Variants in CEP128 observed in about 807,000 individuals in gnomAD.
CEP128 encodes centrosomal protein 128, also known as centrosomal protein 128kDa.
A neutral mutation model predicts 156.7 loss-of-function variants in CEP128; 132 were observed. The ratio of observed to expected loss-of-function variants is 0.84; its 90% CI spans 0.73 to 0.97. CEP128 has a LOEUF of 0.97. Among genes scored for constraint, CEP128 ranks in the 50% least tolerant of loss-of-function variants. CEP128 has a pLI of 0.00. For synonymous variants in CEP128, 469 were observed against 448.9 expected, an observed-to-expected ratio of 1.04 and a Z score of -0.57; for missense variants, 1,252 against 1,281.9, an observed-to-expected ratio of 0.98 and a Z score of 0.36.
chr14:80,530,753 G>A, intron 22 of CEP128, 56 bp downstream of exon 22: 1 of 1,254,082 alleles, frequency 8.0e-7, no homozygotes. Context: ...TCAGGAAGAT[G>A]TCAAGTGTTC....
chr14:80,883,950 AC>A (rs1888672754), intron 8 of CEP128, among the ~76,000 whole-genome samples: 1 of 152,214 alleles, frequency 6.6e-6, no homozygotes, highest in Non-Finnish European at 1.5e-5. Flanking sequence ...CTCATTCTAG[AC>A]CAAGTTGCAA....
intron 12 of CEP128, among the ~76,000 whole-genome samples, chr14:80,833,538 G>A (rs1209497813): frequency 6.6e-6 from 1 of 151,914 alleles, no homozygotes; most frequent in African/African-American, 2.4e-5. Flanking sequence ...GTCAGTATAG[G>A]ATAGCAGTTA....
intron 8 of CEP128, among the ~76,000 whole-genome samples, chr14:80,871,228 C>T (rs1229274964): frequency 6.6e-6 from 1 of 151,968 alleles, no homozygotes; most frequent in African/African-American, 2.4e-5. Context: ...AATAATTAAA[C>T]ATAATGACAA....
At chr14:80,477,912 A>G (rs1886972617) in exon 15 of CEP128, 1 of 152,108 alleles carries the variant, frequency 6.6e-6, no homozygotes, top group African/African-American at 2.4e-5. Context: ...GCTCTGGAGG[A>G]AAGAATTTGG....
chr14:80,673,368 G>A (rs983047637), intron 19 of CEP128, among the ~76,000 whole-genome samples: 3 of 152,088 alleles, frequency 2.0e-5, no homozygotes, highest in Non-Finnish European at 4.4e-5. Context: ...AGCAGGCCGG[G>A]CGCGGTGGCT....
At chr14:80,501,725 C>T (rs551192159) in intron 24 of CEP128, among the ~76,000 whole-genome samples, 28 of 152,004 alleles carry the variant, frequency 1.8e-4, no homozygotes, top group Non-Finnish European at 2.5e-4. Flanking sequence ...AGGATGGTCT[C>T]GATCTCCAGA....
chr14:80,881,216 A>C (rs1373765445), intron 8 of CEP128, among the ~76,000 whole-genome samples: 1 of 152,124 alleles, frequency 6.6e-6, no homozygotes, highest in Non-Finnish European at 1.5e-5. Context: ...CAAATAAATA[A>C]AATCAGAGGT....
At chr14:80,880,801 T>C (rs1356975254) in intron 8 of CEP128, among the ~76,000 whole-genome samples, 1 of 148,826 alleles carries the variant, frequency 6.7e-6, no homozygotes, top group Non-Finnish European at 1.5e-5. Flanking sequence ...AGGTGGAGGT[T>C]GCAGTGAGTC....
chr14:80,758,592 C>A (rs1899795602), intron 17 of CEP128, among the ~76,000 whole-genome samples: 1 of 150,208 alleles, frequency 6.7e-6, no homozygotes, highest in East Asian at 1.9e-4. Flanking sequence ...ACACAATAAA[C>A]CACTGCTACT....
At chr14:80,510,394 C>CT (rs560478767) in intron 23 of CEP128, among the ~76,000 whole-genome samples, 6 of 151,922 alleles carry the variant, frequency 3.9e-5, no homozygotes, top group African/African-American at 1.2e-4. Context: ...AATAGGATTC[C>CT]TTTTTTTGAT....
At chr14:80,698,214 T>A (rs1190604484) in intron 19 of CEP128, among the ~76,000 whole-genome samples, 1 of 152,054 alleles carries the variant, frequency 6.6e-6, no homozygotes, top group Non-Finnish European at 1.5e-5. Context: ...TTAGTGAGAG[T>A]AGTTTCTTCT....
At chr14:80,497,614 C>A in intron 24 of CEP128, 32 bp from the exon 25 acceptor site, 1 of 1,447,916 alleles carries the variant, frequency 6.9e-7, no homozygotes, top group Non-Finnish European at 9.7e-7. Context: ...GAAAAATAAA[C>A]CTAGGTGAAT....
downstream of CEP128, among the ~76,000 whole-genome samples, chr14:80,487,074 A>G (rs145022982): frequency 5.9e-5 from 9 of 152,124 alleles, no homozygotes; most frequent in South Asian, 4.1e-4. Flanking sequence ...AAAAGACACA[A>G]ACTGGCAAAC....
chr14:80,544,606 A>T (rs1455108112), intron 21 of CEP128, among the ~76,000 whole-genome samples: 1 of 152,200 alleles, frequency 6.6e-6, no homozygotes, highest in Non-Finnish European at 1.5e-5. Flanking sequence ...GTTGTGCAAA[A>T]TCTCAGACTC....
chr14:80,684,071 G>A (rs1449812104), intron 19 of CEP128, among the ~76,000 whole-genome samples: 1 of 152,016 alleles, frequency 6.6e-6, no homozygotes, highest in Admixed American at 6.6e-5. Context: ...AAAGCCAGCA[G>A]AGAAAAAGAA....
chr14:80,673,713 C>T (rs886215542), intron 19 of CEP128, among the ~76,000 whole-genome samples: 69 of 145,348 alleles, frequency 4.7e-4, no homozygotes, highest in African/African-American at 1.4e-3. Context: ...AACGTAAAAC[C>T]GCTTACAACC....
At chr14:80,841,637 G>T (rs549175018) in intron 9 of CEP128, among the ~76,000 whole-genome samples, 1 of 151,966 alleles carries the variant, frequency 6.6e-6, no homozygotes, top group South Asian at 2.1e-4. Context: ...ATGATTCTAT[G>T]AATTATTATT....
intron 19 of CEP128, among the ~76,000 whole-genome samples, chr14:80,667,042 C>T (rs1895645142): frequency 6.6e-6 from 1 of 152,180 alleles, no homozygotes; most frequent in Non-Finnish European, 1.5e-5. Context: ...AACACAAACC[C>T]TCACAGACCT....
At chr14:80,768,540 T>C (rs1457663522) in intron 16 of CEP128, among the ~76,000 whole-genome samples, 1 of 152,206 alleles carries the variant, frequency 6.6e-6, no homozygotes, top group Non-Finnish European at 1.5e-5. Flanking sequence ...GATTGCTTTA[T>C]ACTATTTCCT....
Sources: allele counts gnomAD v4.1 joint callset (sites outside exome capture counted in the v4.1 genomes callset), GRCh38; gene constraint gnomAD v4.1.1; transcripts MANE v1.5; gene names NCBI Gene and HGNC (gene_info 2026-07-23, HGNC 2026-07-21).